DHX37: variants seen among roughly 807,000 people sequenced by gnomAD.
DHX37 encodes the protein probable ATP-dependent RNA helicase DHX37.
A neutral mutation model predicts 134.3 loss-of-function variants in DHX37; 52 were observed. The ratio of observed to expected loss-of-function variants is 0.39; its 90% confidence interval spans 0.31 to 0.49. DHX37 has a LOEUF of 0.49. Ranked by LOEUF, DHX37 falls within the 20% of genes least tolerant of loss-of-function variation. The pLI is 0.93. For missense variants in DHX37, 1,344 were observed against 1,580.8 expected, an observed-to-expected ratio of 0.85 and a Z score of 2.54; for synonymous variants, 634 against 670.7, an observed-to-expected ratio of 0.95 and a Z score of 0.85.
At position 124,950,404 on chromosome 12, in the gene DHX37, C is replaced by A; in HGVS notation, c.3121+9G>T. The A allele has an allele frequency of 6.3e-7, 1 of 1,598,956 alleles. No homozygotes were observed. Among genetic ancestry groups the A allele is most frequent in the Non-Finnish European group, 8.5e-7 (1 of 1,172,756 alleles). ...GGCTCAGGTTGCCCAGGACACTGCCCCAACTCACAGAACACGCTGGCCCGG... is the reference window on the plus strand; with the variant it reads ...GGCTCAGGTTGCCCAGGACACTGCCACAACTCACAGAACACGCTGGCCCGG... On this transcript the variant is annotated intron_variant, in intron 23 of 26. Coordinates refer to ENST00000308736, the MANE Select transcript of DHX37 (RefSeq NM_032656.4).
rs1329087754 is a variant in DHX37 at position 124,950,557 on chromosome 12, G to C, written c.2984-7C>G. 2 of 1,546,042 alleles carry C rather than the reference G, an allele frequency of 1.3e-6. No homozygotes were observed. The highest frequency in any genetic ancestry group is 1.7e-6 in the Non-Finnish European group (2 of 1,147,220). ...ACCTCCACGCTAGAGACGCCTGGGG[G>C]CCGGGGGAGGAAGCTGGGGTTACAG... On this transcript the variant is annotated splice_region_variant and splice_polypyrimidine_tract_variant and intron_variant, in intron 22 of 26. Transcript: ENST00000308736.
At chr12:124,967,604 G>A (rs1019616913) in intron 10 of DHX37, among the ~76,000 whole-genome samples, 1 of 152,204 alleles carries the variant, frequency 6.6e-6, no homozygotes, top group Non-Finnish European at 1.5e-5. Flanking sequence ...GTCTCCCAGA[G>A]AATGGATGGG....
intron 4 of DHX37, among the ~76,000 whole-genome samples, chr12:124,978,118 G>A (rs149088934): frequency 2.6e-5 from 4 of 151,708 alleles, no homozygotes; most frequent in Non-Finnish European, 5.9e-5. Context: ...ATGCCACCAC[G>A]CCCAGCTAAT....
chr12:124,986,320 C>T lies in DHX37; in HGVS notation c.107-55G>A. ...TCTCCTTGAGGTAGCTCTGGTCCCG[C>T]CTCCCACAAGCCCCCTGACTTGCAT... On this transcript the variant is annotated intron_variant, in intron 1 of 26. Transcript: ENST00000308736. 4 of 1,589,602 alleles carry T rather than the reference C, an allele frequency of 2.5e-6. No individual in the cohort carries two copies. In the South Asian group the frequency reaches 4.6e-5, roughly 18 times the overall value.
Position 124,957,117 on chromosome 12 carries a change from G to C in DHX37, c.2176C>G (p.Pro726Ala). The C allele has an allele frequency of 6.7e-7, 1 of 1,497,996 alleles. No homozygotes were observed. Among genetic ancestry groups the C allele is most frequent in the Non-Finnish European group, 8.9e-7 (1 of 1,126,432 alleles). 92.8% of individuals were successfully genotyped at this position (1,497,996 alleles called of 1,614,324 possible). Reference protein sequence around the residue: ...NVEKVINFPFPTPPSVEALLA... With the variant: ...NVEKVINFPFATPPSVEALLA... ...AGGGCTTCCACGGAGGGGGGCGTCG[G>C]GAAGGGGAAGTTGATGACCTGGGAC... Residue 726 changes from proline to alanine, a missense_variant, in exon 17 of 27, where the codon CCG (proline) becomes GCG (alanine). This residue lies in a region of DHX37 where 558 missense variants were observed against 650.0 expected (regional missense o/e 0.86). Transcript: ENST00000308736.
Position 124,948,138 on chromosome 12 carries a change from C to T in DHX37, c.3334G>A (p.Glu1112Lys), listed in dbSNP as rs761200169. Residue 1112 changes from glutamate (E) to lysine (K), a missense_variant, in exon 26 of 27, where the codon GAG becomes AAG. Coordinates refer to ENST00000308736, the MANE Select transcript of DHX37 (RefSeq NM_032656.4). ...TESLLRALVA[E>K]KADCHEALLA... ...AAGGCTTCATGGCAGTCAGCCTTCT[C>T]TGCAACCAGGGCTCGCAGAAGGCTC... The T allele has an allele frequency of 6.2e-7, 1 of 1,614,254 alleles. No homozygotes were observed. The highest frequency in any genetic ancestry group is 1.1e-5 in the South Asian group (1 of 91,084).
Position 124,950,218 on chromosome 12 carries a change from G to A in DHX37, c.3147C>T (p.Ala1049=), listed in dbSNP as rs368892293. 80 of 1,613,770 alleles carry A rather than the reference G, an allele frequency of 5.0e-5. 1 individual carries two copies. The Admixed American group carries it at 5.3e-4, about 11-fold the overall frequency. The change falls in exon 24 of 27, where the codon GCC becomes GCT. Residue 1049 remains alanine, a synonymous_variant. Transcript: ENST00000308736. ...TCCCCTCTGGAAAATCCACCTCGAT[G>A]GCGGGGAGCGGCCAGCCCACGCGAT... ...VFYRVGWPLP[A]IEVDFPEGID...
At position 124,968,542 on chromosome 12, in the gene DHX37, A is replaced by G; in HGVS notation, c.1400T>C (p.Leu467Pro). 5.0e-6 allele frequency: 8 copies of G among 1,613,364 alleles called. No homozygotes were observed. Among genetic ancestry groups the G allele is most frequent in the Non-Finnish European group, 6.8e-6 (8 of 1,180,044 alleles). ...CCTGGCCAGGGCCTCACCTGCGGGC[A>G]GCATCCGGTGGATCTTGCAGACCTT... ...FRKVCKIHRM[L>P]PAGGILVFLT... Residue 467 changes from leucine to proline, a missense_variant, in exon 10 of 27, where the codon CTG (leucine) becomes CCG (proline). Physicochemically the swap from Leu to Pro is moderately conservative, Grantham distance 98. Transcript: ENST00000308736.
Position 124,950,208 on chromosome 12 carries a change from C to T in DHX37, c.3157G>A (p.Asp1053Asn), listed in dbSNP as rs150528845. 6.8e-5 allele frequency: 109 copies of T among 1,613,906 alleles called. No homozygotes were observed. The highest frequency in any genetic ancestry group is 8.8e-5 in the Non-Finnish European group (104 of 1,180,048). Reference sequence around the variant, plus strand: ...TAGCGGTCAATCCCCTCTGGAAAATCCACCTCGATGGCGGGGAGCGGCCAG... The same window carrying T: ...TAGCGGTCAATCCCCTCTGGAAAATTCACCTCGATGGCGGGGAGCGGCCAG... ...VGWPLPAIEV[D>N]FPEGIDRYKH... Residue 1053 changes from aspartate (D) to asparagine (N), a missense_variant, in exon 24 of 27, where the codon GAT (aspartate) becomes AAT (asparagine). Asp to Asn is a conservative substitution (Grantham distance 23, BLOSUM62 1). Transcript: ENST00000308736.
chr12:124,950,269 G>C, intron 23 of DHX37, 26 bp from the exon 24 acceptor site: 1 of 1,612,844 alleles, frequency 6.2e-7, no homozygotes, highest in Non-Finnish European at 8.5e-7. Context: ...CAGTGAGACA[G>C]GGACCCTCCT....
intron 8 of DHX37, among the ~76,000 whole-genome samples, chr12:124,969,756 C>A (rs1017614336): frequency 6.6e-6 from 1 of 151,986 alleles, no homozygotes; most frequent in African/African-American, 2.4e-5. Context: ...ATTCTGCAGC[C>A]GCTGGGGGAA....
At chr12:124,963,804 C>T (rs570586354) in intron 15 of DHX37, among the ~76,000 whole-genome samples, 7 of 143,714 alleles carry the variant, frequency 4.9e-5, no homozygotes, top group East Asian at 2.0e-4. Context: ...GGCGTGAACC[C>T]GGGAGGTGGA....
intron 16 of DHX37, among the ~76,000 whole-genome samples, chr12:124,959,503 G>A (rs1191800491): frequency 1.3e-5 from 2 of 152,076 alleles, no homozygotes; most frequent in African/African-American, 2.4e-5. Flanking sequence ...GATTACAGGT[G>A]TGAGCCACCA....
At chr12:124,948,905 C>T (rs1953921178) in intron 25 of DHX37, among the ~76,000 whole-genome samples, 1 of 152,210 alleles carries the variant, frequency 6.6e-6, no homozygotes, top group Non-Finnish European at 1.5e-5. Context: ...ATCCCACCTC[C>T]TCCCATCCAC....
intron 16 of DHX37, among the ~76,000 whole-genome samples, chr12:124,958,705 C>T (rs917330778): frequency 1.3e-5 from 2 of 152,074 alleles, no homozygotes; most frequent in African/African-American, 2.4e-5. Flanking sequence ...CGGCTCACTG[C>T]AACCTCTGCC....
chr12:124,971,182 T>C, intron 8 of DHX37, 120 bp downstream of exon 8: 1 of 1,454,646 alleles, frequency 6.9e-7, no homozygotes, highest in South Asian at 1.3e-5. Context: ...GTGCTCGGGG[T>C]ACCTGCTCAT....
chr12:124,956,125 C>T (rs555343197), intron 18 of DHX37, among the ~76,000 whole-genome samples: 38 of 152,332 alleles, frequency 2.5e-4, no homozygotes, highest in South Asian at 2.3e-3. Flanking sequence ...GATGAAGTGA[C>T]ATTGTGGGCC....
At chr12:124,986,400 T>C (rs1220402979) in intron 1 of DHX37, 135 bp from the exon 2 acceptor site, 2 of 980,436 alleles carry the variant, frequency 2.0e-6, no homozygotes, top group Non-Finnish European at 3.0e-6. Flanking sequence ...CTCAAATCTA[T>C]TTTCATAACA....
intron 21 of DHX37, among the ~76,000 whole-genome samples, chr12:124,951,367 A>G (rs887481394): frequency 1.3e-5 from 2 of 152,076 alleles, no homozygotes; most frequent in African/African-American, 4.8e-5. Flanking sequence ...GAGGCCAGAC[A>G]TGAAAAGCCA....
Sources: gnomAD v4.1 joint callset for allele counts (sites outside exome capture counted in the v4.1 genomes callset) on GRCh38, gnomAD v4.1.1 for gene constraint, gnomAD v4.1.1 regional missense constraint, MANE v1.5 for transcripts, NCBI Gene and HGNC (gene_info 2026-07-23, HGNC 2026-07-21) for gene names.